TCERG1L: variants seen among roughly 807,000 people sequenced by gnomAD.
TCERG1L encodes the protein transcription elongation regulator 1-like protein.
In TCERG1L, 37 loss-of-function variants were observed where a neutral mutation model predicts 56.3. The ratio of observed to expected loss-of-function variants is 0.66; its 90% CI spans 0.51 to 0.87. The LOEUF is 0.87. Ranked by LOEUF, TCERG1L falls within the 40% of genes least tolerant of loss-of-function variation. The probability of loss-of-function intolerance (pLI) is 0.00; values close to 1 mark genes in which losing one functional copy is unlikely to be tolerated. For missense variants in TCERG1L, 799 were observed against 774.2 expected, an observed-to-expected ratio of 1.03 and a Z score of -0.38; for synonymous variants, 324 against 326.3, an observed-to-expected ratio of 0.99 and a Z score of 0.08.
intron 8 of TCERG1L, among the ~76,000 whole-genome samples, chr10:131,123,631 G>A (rs1182853803): frequency 2.0e-5 from 3 of 152,104 alleles, no homozygotes; most frequent in African/African-American, 7.2e-5. Context: ...CAGAGCCTCT[G>A]AGCAGAGTGA....
chr10:131,147,448 G>A (rs1046569992), intron 6 of TCERG1L, among the ~76,000 whole-genome samples: 4 of 152,214 alleles, frequency 2.6e-5, no homozygotes, highest in Non-Finnish European at 5.9e-5. Context: ...CTCTGACCCC[G>A]CGCTGTCCCC....
intron 4 of TCERG1L, among the ~76,000 whole-genome samples, chr10:131,213,200 G>A (rs1845634838): frequency 6.6e-6 from 1 of 152,196 alleles, no homozygotes; most frequent in Non-Finnish European, 1.5e-5. Flanking sequence ...GAGGACAAGA[G>A]TTCTATCAGC....
intron 9 of TCERG1L, among the ~76,000 whole-genome samples, chr10:131,115,288 T>C (rs952048368): frequency 1.1e-4 from 17 of 152,192 alleles, no homozygotes; most frequent in African/African-American, 3.9e-4. Flanking sequence ...GGGGCAGGGC[T>C]AGAGCTTTTC....
intron 4 of TCERG1L, among the ~76,000 whole-genome samples, chr10:131,245,849 G>C (rs1475671868): frequency 6.6e-6 from 1 of 152,206 alleles, no homozygotes; most frequent in Non-Finnish European, 1.5e-5. Flanking sequence ...TGGAAGGGCT[G>C]GCCAGGAGTC....
At chr10:131,269,186 G>GTTTGTTTC (rs1564830086) in intron 3 of TCERG1L, among the ~76,000 whole-genome samples, 5 of 13,168 alleles carry the variant, frequency 3.8e-4, no homozygotes, top group Non-Finnish European at 1.5e-3. Context: ...ATTTCTATTT[G>GTTTGTTTC]TTTGTTTGTT....
chr10:131,115,495 C>A (rs996841169), intron 9 of TCERG1L, among the ~76,000 whole-genome samples: 1 of 152,270 alleles, frequency 6.6e-6, no homozygotes, highest in South Asian at 2.1e-4. Context: ...GTCCACATCG[C>A]GCCAGGGCCG....
intron 3 of TCERG1L, among the ~76,000 whole-genome samples, chr10:131,284,564 T>C (rs1846498546): frequency 6.6e-6 from 1 of 151,998 alleles, no homozygotes; most frequent in South Asian, 2.1e-4. Flanking sequence ...TTCAATCAAG[T>C]TGAAAAATGT....
intron 4 of TCERG1L, among the ~76,000 whole-genome samples, chr10:131,177,612 C>G (rs1845117639): frequency 6.6e-6 from 1 of 152,246 alleles, no homozygotes; most frequent in East Asian, 1.9e-4. Flanking sequence ...GCTGTCTCCC[C>G]TTTTACGGGC....
At chr10:131,230,492 G>A (rs1845837931) in intron 4 of TCERG1L, among the ~76,000 whole-genome samples, 1 of 152,218 alleles carries the variant, frequency 6.6e-6, no homozygotes, top group East Asian at 1.9e-4. Context: ...AGCACACTGA[G>A]GGACGCTGGG....
intron 11 of TCERG1L, among the ~76,000 whole-genome samples, chr10:131,097,200 C>CAA (rs1161006867): frequency 1.1e-3 from 100 of 90,766 alleles, no homozygotes; most frequent in South Asian, 1.5e-3. Context: ...GGGTCTGTCT[C>CAA]AAAAAAAAAA....
chr10:131,270,308 G>A (rs1317708794), intron 3 of TCERG1L, among the ~76,000 whole-genome samples: 2 of 152,226 alleles, frequency 1.3e-5, no homozygotes, highest in Non-Finnish European at 2.9e-5. Flanking sequence ...CGCCTCCTGA[G>A]CTGAGTTTGA....
At chr10:131,249,865 ACCT>A (rs1458019279) in intron 4 of TCERG1L, among the ~76,000 whole-genome samples, 1 of 152,160 alleles carries the variant, frequency 6.6e-6, no homozygotes, top group Non-Finnish European at 1.5e-5. Context: ...GCAAATAAGA[ACCT>A]GGGGAGAGAA....
At chr10:131,228,701 G>A (rs1402731686) in intron 4 of TCERG1L, among the ~76,000 whole-genome samples, 11 of 54,162 alleles carry the variant, frequency 2.0e-4, no homozygotes, top group African/African-American at 4.9e-4. Flanking sequence ...CAAGGCCTCC[G>A]GAGTCTCCCC....
chr10:131,199,210 T>C (rs1182982046), intron 4 of TCERG1L, among the ~76,000 whole-genome samples: 2 of 152,308 alleles, frequency 1.3e-5, no homozygotes, highest in East Asian at 1.9e-4. Context: ...TACTCACCCT[T>C]TGATCAAAGG....
intron 4 of TCERG1L, among the ~76,000 whole-genome samples, chr10:131,207,417 G>C (rs561318876): frequency 9.1e-4 from 138 of 152,372 alleles, no homozygotes; most frequent in African/African-American, 3.2e-3. Flanking sequence ...ATGCAGGGCA[G>C]AGTTCAAGTT....
At chr10:131,269,904 G>A (rs941826702) in intron 3 of TCERG1L, among the ~76,000 whole-genome samples, 2 of 152,158 alleles carry the variant, frequency 1.3e-5, no homozygotes, top group African/African-American at 2.4e-5. Flanking sequence ...TGTGCCTACT[G>A]GGCAGGTGAA....
At chr10:131,234,521 T>G (rs980049019) in intron 4 of TCERG1L, among the ~76,000 whole-genome samples, 4 of 152,112 alleles carry the variant, frequency 2.6e-5, no homozygotes, top group Non-Finnish European at 5.9e-5. Context: ...GCAGGATAGC[T>G]CAAGGGGTCA....
At chr10:131,195,103 T>C (rs1845344377) in intron 4 of TCERG1L, among the ~76,000 whole-genome samples, 1 of 152,194 alleles carries the variant, frequency 6.6e-6, no homozygotes, top group Non-Finnish European at 1.5e-5. Flanking sequence ...TGCTTGGATC[T>C]TATAAGCACG....
At chr10:131,301,433 G>A (rs192997340) in intron 3 of TCERG1L, among the ~76,000 whole-genome samples, 1 of 151,930 alleles carries the variant, frequency 6.6e-6, no homozygotes, top group African/African-American at 2.4e-5. Context: ...ATATCCTAAA[G>A]GATTAACAGA....
Sources: allele counts gnomAD v4.1 joint callset (sites outside exome capture counted in the v4.1 genomes callset), GRCh38; gene constraint gnomAD v4.1.1; transcripts MANE v1.5; gene names NCBI Gene and HGNC (gene_info 2026-07-23, HGNC 2026-07-21).